Variants in HEXIM2 observed in about 807,000 individuals in gnomAD.
HEXIM2 encodes protein HEXIM2.
For missense variants in HEXIM2, 413 were observed against 390.8 expected (o/e 1.06, Z -0.48); for synonymous variants, 159 against 162.7 (o/e 0.98, Z 0.17).
chr17:45,162,084 G>C (rs567720627), intron 1 of HEXIM2, 53 bp downstream of exon 1: 3 of 894,238 alleles, frequency 3.4e-6, no homozygotes, highest in Admixed American at 1.2e-4. Context: ...CTTCTTCCAA[G>C]AAATCCATCC....
Position 45,162,589 on chromosome 17 carries a change from A to C in HEXIM2, c.-91A>C. On this transcript the variant is annotated 5_prime_UTR_variant, in exon 2 of 4. Transcript: ENST00000589230. ...GGCCCCTTGCTGGCTGGAGGTGTGAAAACCAGCGGTGGAGGCAGCCTTCGG... is the reference window on the plus strand; with the variant it reads ...GGCCCCTTGCTGGCTGGAGGTGTGACAACCAGCGGTGGAGGCAGCCTTCGG... 7.1e-7 allele frequency: 1 copy of C among 1,410,526 alleles called. No homozygotes were observed. The highest frequency in any genetic ancestry group is 2.7e-5 in the East Asian group (1 of 37,178). 87.4% of individuals were successfully genotyped at this position (1,410,526 alleles called of 1,614,324 possible).
intron 3 of HEXIM2, among the ~76,000 whole-genome samples, chr17:45,164,693 A>G (rs1403038164): frequency 2.0e-5 from 3 of 152,148 alleles, no homozygotes; most frequent in Non-Finnish European, 2.9e-5. Context: ...GAAAGAGGAG[A>G]GAGAAAGATC....
At chr17:45,166,177 C>G (rs151186613) in intron 3 of HEXIM2, among the ~76,000 whole-genome samples, 1 of 151,374 alleles carries the variant, frequency 6.6e-6, no homozygotes, top group Non-Finnish European at 1.5e-5. Flanking sequence ...CAGGCTGGAG[C>G]GCAGTGGCGC....
At chr17:45,167,918 A>T (rs527433878) in intron 3 of HEXIM2, among the ~76,000 whole-genome samples, 4 of 149,022 alleles carry the variant, frequency 2.7e-5, no homozygotes, top group Non-Finnish European at 4.5e-5. Context: ...TTTGAGATGG[A>T]GTCTCGCTCT....
At position 45,162,014 on chromosome 17, in the gene HEXIM2, G is replaced by C; in HGVS notation, c.-210G>C. Reference sequence around the variant, plus strand: ...GCACACAGATGTAGTGGTGTGCATAGCCCTTGACAGCGAATAGGTCAGTTC... The same window carrying C: ...GCACACAGATGTAGTGGTGTGCATACCCCTTGACAGCGAATAGGTCAGTTC... On this transcript the variant is annotated 5_prime_UTR_variant, in exon 1 of 4. Coordinates refer to ENST00000589230, the MANE Select transcript of HEXIM2 (RefSeq NM_001303441.2). 1 of 985,766 alleles carries C rather than the reference G, an allele frequency of 1.0e-6. No individual in the cohort carries two copies. Among genetic ancestry groups the C allele is most frequent in the Non-Finnish European group, 1.2e-6 (1 of 830,132 alleles). 61.1% of individuals were successfully genotyped at this position (985,766 alleles called of 1,614,324 possible).
At chr17:45,162,981 C>G in intron 3 of HEXIM2, 122 bp downstream of exon 3, 1 of 696,338 alleles carries the variant, frequency 1.4e-6, no homozygotes, top group Non-Finnish European at 2.5e-6. Flanking sequence ...CGAATCAGTA[C>G]TATGCACTAG....
rs2042982298 is a variant in HEXIM2 at position 45,169,924 on chromosome 17, G to A, written c.*115G>A. On this transcript the variant is annotated 3_prime_UTR_variant, in exon 4 of 4. Coordinates refer to ENST00000589230, the MANE Select transcript of HEXIM2 (RefSeq NM_001303441.2). ...GAAAACCACCGTCAACACCCTGTGCGCCCTGAGAACAGCTAAATCGGTTCA... is the reference window on the plus strand; with the variant it reads ...GAAAACCACCGTCAACACCCTGTGCACCCTGAGAACAGCTAAATCGGTTCA... 1 of 854,138 alleles carries A rather than the reference G, an allele frequency of 1.2e-6. No individual in the cohort carries two copies. Among genetic ancestry groups the A allele is most frequent in the Non-Finnish European group, 1.7e-6 (1 of 591,410 alleles). 52.9% of individuals were successfully genotyped at this position (854,138 alleles called of 1,614,324 possible). A position where few individuals can be genotyped will look rare whatever the true frequency, so the allele number is the denominator to read the frequency against.
chr17:45,167,856 A>G (rs546907875), intron 3 of HEXIM2, among the ~76,000 whole-genome samples: 9 of 151,468 alleles, frequency 5.9e-5, no homozygotes, highest in East Asian at 2.0e-4. Flanking sequence ...TTGGCCTCCC[A>G]AAGTGCTGGG....
upstream of HEXIM2, chr17:45,161,264 C>T (rs1015038253): frequency 2.9e-6 from 1 of 340,082 alleles, no homozygotes; most frequent in African/African-American, 2.1e-5. Context: ...TACCGAAGAA[C>T]CCCGCACTCT....
At chr17:45,166,706 G>A (rs753582674) in intron 3 of HEXIM2, among the ~76,000 whole-genome samples, 3 of 152,134 alleles carry the variant, frequency 2.0e-5, no homozygotes, top group Non-Finnish European at 4.4e-5. Flanking sequence ...CTAAGGAAGT[G>A]ACATTGGAAC....
At chr17:45,162,971 C>G (rs2042742736) in intron 3 of HEXIM2, 112 bp downstream of exon 3, 1 of 745,080 alleles carries the variant, frequency 1.3e-6, no homozygotes, top group Non-Finnish European at 2.4e-6. Flanking sequence ...AGTATTTTGA[C>G]GAATCAGTAC....
intron 3 of HEXIM2, among the ~76,000 whole-genome samples, chr17:45,167,682 A>G (rs1484181516): frequency 6.6e-6 from 1 of 152,142 alleles, no homozygotes; most frequent in Admixed American, 6.5e-5. Context: ...GCTGAAGTGC[A>G]GTGGCGCGAT....
intron 3 of HEXIM2, among the ~76,000 whole-genome samples, chr17:45,166,481 C>T (rs908240231): frequency 6.6e-6 from 1 of 152,142 alleles, no homozygotes; most frequent in Non-Finnish European, 1.5e-5. Context: ...ATCTTTAGTC[C>T]ACTTAACAGA....
chr17:45,169,709 C>T lies in HEXIM2; in HGVS notation c.761C>T (p.Ala254Val), dbSNP rs1243747568. 4 of 1,528,576 alleles carry T rather than the reference C, an allele frequency of 2.6e-6. No homozygotes were observed. The highest frequency in any genetic ancestry group is 3.5e-6 in the Non-Finnish European group (4 of 1,135,434). 94.7% of individuals were successfully genotyped at this position (1,528,576 alleles called of 1,614,324 possible). A position where few individuals can be genotyped will look rare whatever the true frequency, so the allele number is the denominator to read the frequency against. ...TGCCGCCAGGTGGAGGAGCTGGCTG[C>T]CGAGGTCCAGAGGCTCCGGACCGAA... is the stretch of plus-strand genomic sequence containing the variant. ...QSCRQVEELA[A>V]EVQRLRTENQ... Residue 254 changes from alanine (A) to valine (V), a missense_variant, in exon 4 of 4, where the codon GCC (alanine) becomes GTC (valine). Physicochemically the swap from Ala to Val is moderately conservative, Grantham distance 64. Transcript: ENST00000589230.
At chr17:45,168,675 C>T (rs1476182367) in intron 3 of HEXIM2, 1 of 206,508 alleles carries the variant, frequency 4.8e-6, no homozygotes. Flanking sequence ...GCATCAAGAT[C>T]CACCTTCTAT....
At chr17:45,165,869 A>G (rs942808674) in intron 3 of HEXIM2, among the ~76,000 whole-genome samples, 1 of 151,908 alleles carries the variant, frequency 6.6e-6, no homozygotes, top group Admixed American at 6.6e-5. Context: ...ATCTCGCCTC[A>G]CTGCAACCTC....
At chr17:45,168,942 G>C in intron 3 of HEXIM2, 73 bp from the exon 4 acceptor site, 1 of 1,396,736 alleles carries the variant, frequency 7.2e-7, no homozygotes, top group Non-Finnish European at 9.8e-7. Context: ...CTTCAGGCTA[G>C]GTAGAGAGGG....
At chr17:45,160,908 A>C (rs1405466908), upstream of HEXIM2, 1 of 1,289,506 alleles carries the variant, frequency 7.8e-7, no homozygotes, top group South Asian at 1.2e-5. Flanking sequence ...GTTTTTCGCA[A>C]CCCGGGCGGC....
chr17:45,170,038 G>A (rs2042984111), downstream of HEXIM2: 2 of 415,150 alleles, frequency 4.8e-6, no homozygotes, highest in Non-Finnish European at 8.5e-6. Context: ...GGACCAAATG[G>A]GAGTATCTAG....
Sources: allele counts gnomAD v4.1 joint callset (sites outside exome capture counted in the v4.1 genomes callset), GRCh38; gene constraint gnomAD v4.1.1; transcripts MANE v1.5; gene names NCBI Gene and HGNC (gene_info 2026-07-23, HGNC 2026-07-21).